SNX29: variants seen among roughly 807,000 people sequenced by gnomAD.
SNX29 encodes sorting nexin 29.
Under a neutral mutation model 102.1 loss-of-function variants are expected in SNX29, and 78 were observed. The observed-to-expected ratio is 0.76, with a 90% CI of 0.64 to 0.92. The LOEUF is 0.92. Ranked by LOEUF, SNX29 falls within the 40% of genes least tolerant of loss-of-function variation. SNX29 has a pLI of 0.00. For missense variants in SNX29, 1,280 were observed against 1,061.7 expected (o/e 1.21, Z -2.86); for synonymous variants, 580 against 414.5 (o/e 1.40, Z -4.85).
intron 14 of SNX29, among the ~76,000 whole-genome samples, chr16:12,236,500 C>T (rs774173240): frequency 2.6e-5 from 4 of 152,238 alleles, no homozygotes; most frequent in Admixed American, 6.5e-5. Context: ...TTTCCCACTA[C>T]GTCTTCTCTG....
chr16:12,058,809 T>TG (rs1567168358), intron 8 of SNX29, among the ~76,000 whole-genome samples: 1 of 122,892 alleles, frequency 8.1e-6, no homozygotes, highest in East Asian at 2.2e-4. Flanking sequence ...TTTTTTTTTT[T>TG]TTTTTTTTTT....
chr16:11,990,705 C>T (rs755771044), intron 1 of SNX29, among the ~76,000 whole-genome samples: 7 of 152,058 alleles, frequency 4.6e-5, no homozygotes, highest in Non-Finnish European at 1.0e-4. Context: ...TGTCCTTGTT[C>T]CCTGCAAGAC....
intron 20 of SNX29, among the ~76,000 whole-genome samples, chr16:12,565,682 T>C (rs1309382162): frequency 1.3e-5 from 2 of 152,094 alleles, no homozygotes; most frequent in African/African-American, 4.8e-5. Context: ...GAGCTAACCC[T>C]GCCTTCCAGG....
intron 20 of SNX29, among the ~76,000 whole-genome samples, chr16:12,563,236 C>A (rs1024182526): frequency 4.6e-5 from 7 of 152,130 alleles, no homozygotes; most frequent in Non-Finnish European, 8.8e-5. Context: ...AGTGGCCTCC[C>A]CATCATCACT....
At chr16:12,164,981 C>G (rs939888841) in intron 13 of SNX29, among the ~76,000 whole-genome samples, 3 of 152,162 alleles carry the variant, frequency 2.0e-5, no homozygotes, top group Admixed American at 6.5e-5. Flanking sequence ...AGCCACCGCA[C>G]CCGGCCTTAT....
chr16:12,079,269 A>G (rs1223089419), intron 11 of SNX29, among the ~76,000 whole-genome samples: 1 of 152,250 alleles, frequency 6.6e-6, no homozygotes, highest in East Asian at 1.9e-4. Context: ...TAAGTGAAGA[A>G]GAATATGTCT....
intron 14 of SNX29, among the ~76,000 whole-genome samples, chr16:12,263,284 T>C (rs956496718): frequency 1.3e-5 from 2 of 152,044 alleles, no homozygotes; most frequent in African/African-American, 4.8e-5. Context: ...GCCACCAACA[T>C]AGCCAGCTAA....
At chr16:12,441,002 T>C (rs1354384982) in intron 18 of SNX29, among the ~76,000 whole-genome samples, 1 of 152,124 alleles carries the variant, frequency 6.6e-6, no homozygotes, top group Non-Finnish European at 1.5e-5. Context: ...AATCATACAA[T>C]ACGTGGCCTT....
intron 18 of SNX29, among the ~76,000 whole-genome samples, chr16:12,455,670 C>T (rs142203964): frequency 8.1e-4 from 123 of 152,312 alleles, no homozygotes; most frequent in African/African-American, 2.8e-3. Context: ...TTTATTTGTG[C>T]AGAAGGCTGG....
chr16:12,023,470 T>A (rs2057091127), intron 3 of SNX29, among the ~76,000 whole-genome samples: 1 of 149,088 alleles, frequency 6.7e-6, no homozygotes, highest in Admixed American at 6.7e-5. Context: ...CTCAGTTACT[T>A]GGTAGGCTGA....
At chr16:12,545,025 C>T (rs1467729270) in intron 20 of SNX29, among the ~76,000 whole-genome samples, 1 of 152,196 alleles carries the variant, frequency 6.6e-6, no homozygotes, top group Non-Finnish European at 1.5e-5. Flanking sequence ...ATGTCGGCTT[C>T]AGTAGCCAGG....
intron 16 of SNX29, among the ~76,000 whole-genome samples, chr16:12,382,371 G>A (rs2083198362): frequency 6.6e-6 from 1 of 152,150 alleles, no homozygotes; most frequent in South Asian, 2.1e-4. Context: ...ATAACCTAGT[G>A]CGTGGACTCT....
At chr16:12,006,741 C>G (rs895829626) in intron 3 of SNX29, among the ~76,000 whole-genome samples, 2 of 151,924 alleles carry the variant, frequency 1.3e-5, no homozygotes, top group Admixed American at 1.3e-4. Context: ...ATCTCAGCCT[C>G]CTGAGTAGCT....
At chr16:12,122,896 G>A (rs1454415672) in intron 11 of SNX29, among the ~76,000 whole-genome samples, 1 of 151,878 alleles carries the variant, frequency 6.6e-6, no homozygotes. Context: ...GCATAATCTC[G>A]GCTCACTGCA....
At chr16:12,540,944 C>T (rs1399393078) in intron 20 of SNX29, among the ~76,000 whole-genome samples, 9 of 151,998 alleles carry the variant, frequency 5.9e-5, no homozygotes, top group African/African-American at 1.5e-4. Flanking sequence ...CTTTTGGGGT[C>T]AGGCTGCCTG....
intron 20 of SNX29, among the ~76,000 whole-genome samples, chr16:12,553,998 T>C (rs2078161569): frequency 6.6e-6 from 1 of 152,118 alleles, no homozygotes; most frequent in South Asian, 2.1e-4. Flanking sequence ...CTAATTTTTG[T>C]ATTTTTAGTA....
At chr16:12,536,992 TAAAAA>T (rs1045150554) in intron 20 of SNX29, among the ~76,000 whole-genome samples, 19 of 117,042 alleles carry the variant, frequency 1.6e-4, no homozygotes, top group Admixed American at 1.1e-3. Flanking sequence ...AAAAATAAAA[TAAAAA>T]GAGTTGTTCA....
chr16:12,567,964 C>T (rs1243121157), intron 20 of SNX29, among the ~76,000 whole-genome samples: 1 of 152,174 alleles, frequency 6.6e-6, no homozygotes, highest in Non-Finnish European at 1.5e-5. Context: ...GTGTCCCCCT[C>T]TTGGTGTTAT....
intron 2 of SNX29, chr16:12,000,412 C>G (rs2056245680): frequency 6.6e-6 from 1 of 152,132 alleles, no homozygotes; most frequent in East Asian, 1.9e-4. Context: ...AGCTAGGATC[C>G]AAATCTAGGA....
Sources: gnomAD v4.1 joint callset for allele counts (sites outside exome capture counted in the v4.1 genomes callset) on GRCh38, gnomAD v4.1.1 for gene constraint, MANE v1.5 for transcripts, NCBI Gene and HGNC (gene_info 2026-07-23, HGNC 2026-07-21) for gene names.